Variants in JMY observed in about 807,000 individuals in gnomAD.
The protein encoded by JMY is junction mediating and regulatory protein, p53 cofactor.
JMY carries 46 observed loss-of-function variants against 103.3 expected under a neutral mutation model. The ratio of observed to expected loss-of-function variants is 0.45; its 90% CI spans 0.35 to 0.57. JMY has a LOEUF of 0.57. Ranked by LOEUF, JMY falls within the 20% of genes least tolerant of loss-of-function variation. The probability of loss-of-function intolerance (pLI) is 0.00; values close to 1 mark genes in which losing one functional copy is unlikely to be tolerated. For synonymous variants in JMY, 526 were observed against 489.3 expected (o/e 1.07, Z -0.99); for missense variants, 1,238 against 1,255.2 (o/e 0.99, Z 0.21).
At chr5:79,274,402 T>TTTTG (rs900706554) in intron 1 of JMY, among the ~76,000 whole-genome samples, 1 of 151,944 alleles carries the variant, frequency 6.6e-6, no homozygotes, top group South Asian at 2.1e-4. Context: ...TAGTGTTTTT[T>TTTTG]TTTGTTTGTT....
At position 79,316,246 on chromosome 5, in the gene JMY, A is replaced by C; in HGVS notation, c.2906A>C (p.Glu969Ala). The C allele has an allele frequency of 1.2e-6, 2 of 1,614,028 alleles. No individual in the cohort carries two copies. Among genetic ancestry groups the C allele is most frequent in the African/African-American group, 1.3e-5 (1 of 75,058 alleles). Residue 969 changes from glutamate to alanine, a missense_variant, in exon 10 of 11, where the codon GAA becomes GCA. Transcript: ENST00000396137. ...SIHEALRRIK[E>A]ASPESEDEEE... is the part of the protein sequence containing the mutation. ...CATGAAGCTCTTAGAAGAATTAAAG[A>C]AGCATCCCCAGAGTCAGAGGACGAA...
At chr5:79,290,018 C>T in intron 2 of JMY, 103 bp from the exon 3 acceptor site, 1 of 744,064 alleles carries the variant, frequency 1.3e-6, no homozygotes, top group Non-Finnish European at 2.0e-6. Flanking sequence ...TCCTCTTGAG[C>T]AGGGAAGAAC....
chr5:79,301,975 C>T lies in JMY; in HGVS notation c.1881+1112C>T, dbSNP rs571435207. Among the ~76,000 whole-genome samples, 21 of 149,696 alleles carry T rather than the reference C, an allele frequency of 1.4e-4. 1 individual carries two copies. The East Asian group carries it at 2.0e-3, about 14-fold the overall frequency. On this transcript the variant is annotated intron_variant, in intron 6 of 10. Transcript: ENST00000396137. ...GCACGCGCCTGTAATCCCAGCTACT[C>T]GGGAGGCTGAGGCAGGAGAATCGCT... is the stretch of plus-strand genomic sequence containing the variant.
At position 79,288,804 on chromosome 5, in the gene JMY, A is replaced by G. The variant is rs574294008; in HGVS notation, c.1207-1317A>G. 3.3e-5 allele frequency among the ~76,000 whole-genome samples: 5 copies of G among 151,982 alleles called. No homozygotes were observed. The East Asian group carries it at 9.7e-4, about 29-fold the overall frequency. On this transcript the variant is annotated intron_variant, in intron 2 of 10. Coordinates refer to ENST00000396137, the MANE Select transcript of JMY (RefSeq NM_152405.5). ...GCTGGTCTCCCAACTCCTGGTCACA[A>G]GCAATCCTCCCTGTCTGTCTGGGAG...
intron 4 of JMY, among the ~76,000 whole-genome samples, chr5:79,291,912 A>G (rs1240749257): frequency 6.6e-6 from 1 of 152,236 alleles, no homozygotes; most frequent in Non-Finnish European, 1.5e-5. Flanking sequence ...ACAAATCATC[A>G]TCTCTGCTTT....
intron 4 of JMY, among the ~76,000 whole-genome samples, chr5:79,299,617 T>C (rs926496437): frequency 6.6e-6 from 1 of 152,198 alleles, no homozygotes; most frequent in Non-Finnish European, 1.5e-5. Flanking sequence ...TTGCAAGGAT[T>C]TCCATCTAAA....
chr5:79,286,499 C>T (rs373995107), intron 2 of JMY, among the ~76,000 whole-genome samples: 3 of 151,894 alleles, frequency 2.0e-5, no homozygotes, highest in East Asian at 1.9e-4. Flanking sequence ...ATAAATTAGC[C>T]GGGTGTGGTG....
chr5:79,288,777 A>C (rs1746341990), intron 2 of JMY, among the ~76,000 whole-genome samples: 1 of 151,202 alleles, frequency 6.6e-6, no homozygotes, highest in African/African-American at 2.4e-5. Context: ...TATGGTACCC[A>C]CGCTGGTCTC....
intron 1 of JMY, among the ~76,000 whole-genome samples, chr5:79,247,395 C>T (rs970755741): frequency 5.3e-5 from 8 of 151,994 alleles, no homozygotes; most frequent in Non-Finnish European, 8.8e-5. Flanking sequence ...CTCCACCTCT[C>T]GGGTTCAAGT....
chr5:79,278,026 A>G lies in JMY; in HGVS notation c.1149A>G (p.Leu383=), dbSNP rs367813106. Residue 383 remains leucine, a synonymous_variant, in exon 2 of 11, where the codon TTA becomes TTG. Transcript: ENST00000396137. ...CTACAACCGAACTCTATCAGTATTT[A>G]CTACAGCCATTCCGAGACATGAGAG... ...AEATTELYQY[L]LQPFRDMREL... 11 of 1,614,006 alleles carry G rather than the reference A, an allele frequency of 6.8e-6. No homozygotes were observed. Among genetic ancestry groups the G allele is most frequent in the South Asian group, 5.5e-5 (5 of 91,064 alleles).
At chr5:79,265,586 G>A (rs1010878008) in intron 1 of JMY, among the ~76,000 whole-genome samples, 1 of 151,648 alleles carries the variant, frequency 6.6e-6, no homozygotes, top group Non-Finnish European at 1.5e-5. Flanking sequence ...GTAGACTAAA[G>A]ATTAAACAGG....
At chr5:79,242,636 AC>A (rs1410090529) in intron 1 of JMY, among the ~76,000 whole-genome samples, 2 of 152,132 alleles carry the variant, frequency 1.3e-5, no homozygotes, top group African/African-American at 4.8e-5. Context: ...CTTAATCCAA[AC>A]GTGTGCCTTT....
intron 2 of JMY, among the ~76,000 whole-genome samples, chr5:79,283,138 A>G (rs1298704540): frequency 6.6e-6 from 1 of 151,968 alleles, no homozygotes; most frequent in South Asian, 2.1e-4. Flanking sequence ...GATTACAGGC[A>G]TGTGCCGCAA....
intron 1 of JMY, among the ~76,000 whole-genome samples, chr5:79,241,359 C>G (rs1022868980): frequency 6.6e-6 from 1 of 152,096 alleles, no homozygotes; most frequent in Non-Finnish European, 1.5e-5. Context: ...CTTACTATTG[C>G]AAGAATTTAA....
intron 4 of JMY, among the ~76,000 whole-genome samples, chr5:79,291,581 C>G (rs183605344): frequency 6.6e-6 from 1 of 152,166 alleles, no homozygotes; most frequent in Admixed American, 6.5e-5. Flanking sequence ...ACTGTAAAAA[C>G]GTAAAGCTTT....
At chr5:79,264,352 G>A (rs187739795) in intron 1 of JMY, among the ~76,000 whole-genome samples, 1 of 152,138 alleles carries the variant, frequency 6.6e-6, no homozygotes. Context: ...CTCCCAGAGG[G>A]CTGGAATTAC....
chr5:79,281,720 G>A (rs975999524), intron 2 of JMY, among the ~76,000 whole-genome samples: 49 of 152,146 alleles, frequency 3.2e-4, no homozygotes, highest in African/African-American at 1.2e-3. Context: ...ATCTTTTGGA[G>A]TTGATGGAAA....
chr5:79,287,055 A>G (rs965126649), intron 2 of JMY, among the ~76,000 whole-genome samples: 7 of 152,124 alleles, frequency 4.6e-5, no homozygotes, highest in East Asian at 1.9e-4. Flanking sequence ...CTGGTGCTCA[A>G]TGGAGAGACC....
At chr5:79,293,160 A>G (rs1206527895) in intron 4 of JMY, among the ~76,000 whole-genome samples, 1 of 152,204 alleles carries the variant, frequency 6.6e-6, no homozygotes, top group African/African-American at 2.4e-5. Context: ...CAAAATTAAG[A>G]CAACCCTAAA....
Sources: allele counts gnomAD v4.1 joint callset (sites outside exome capture counted in the v4.1 genomes callset), GRCh38; gene constraint gnomAD v4.1.1; transcripts MANE v1.5; gene names NCBI Gene and HGNC (gene_info 2026-07-23, HGNC 2026-07-21).